SUGCT: variants seen among roughly 807,000 people sequenced by gnomAD.
SUGCT encodes succinyl-CoA:glutarate CoA-transferase.
A neutral mutation model predicts 55.0 loss-of-function variants in SUGCT; 41 were observed. The observed-to-expected ratio is 0.74, with a 90% CI of 0.58 to 0.97. The LOEUF (loss-of-function observed/expected upper bound fraction) is 0.97. Among genes scored for constraint, SUGCT ranks in the 50% least tolerant of loss-of-function variants. The pLI is 0.00. For synonymous variants in SUGCT, 187 were observed against 200.4 expected, an observed-to-expected ratio of 0.93 and a Z score of 0.56; for missense variants, 568 against 547.8, an observed-to-expected ratio of 1.04 and a Z score of -0.37.
the SUGCT span, among the ~76,000 whole-genome samples, chr7:40,903,791 CA>C: frequency 0.015 from 2,215 of 152,170 alleles, 56 homozygotes; most frequent in African/African-American, 0.051. Context: ...ATCCTCCTAC[CA>C]AAAAGAAAGA....
downstream of SUGCT, among the ~76,000 whole-genome samples, chr7:40,863,419 A>G (rs1794528732): frequency 6.6e-6 from 1 of 152,074 alleles, no homozygotes; most frequent in South Asian, 2.1e-4. Context: ...GTCATGTTGT[A>G]TTTTAAAGGC....
At chr7:40,350,465 C>A (rs865921005) in intron 9 of SUGCT, among the ~76,000 whole-genome samples, 7 of 151,264 alleles carry the variant, frequency 4.6e-5, no homozygotes, top group African/African-American at 7.3e-5. Context: ...AGGTGACCAC[C>A]GCCACACCTG....
At chr7:40,238,173 A>G (rs73314857) in intron 7 of SUGCT, among the ~76,000 whole-genome samples, 3,435 of 152,208 alleles carry the variant, frequency 0.023, 117 homozygotes, top group African/African-American at 0.079. Flanking sequence ...CAGAGGGTCT[A>G]TTTTTCCTTT....
the SUGCT span, among the ~76,000 whole-genome samples, chr7:41,017,066 C>T: frequency 2.0e-4 from 31 of 152,338 alleles, no homozygotes; most frequent in African/African-American, 6.5e-4. Flanking sequence ...CTCAGCCATG[C>T]GCTTGCTCTG....
intron 11 of SUGCT, among the ~76,000 whole-genome samples, chr7:40,466,801 A>C (rs1034580785): frequency 6.6e-6 from 1 of 152,210 alleles, no homozygotes; most frequent in African/African-American, 2.4e-5. Flanking sequence ...GTCATACAAT[A>C]TAAGAAGATC....
At chr7:41,037,523 G>A in the SUGCT span, among the ~76,000 whole-genome samples, 9 of 146,730 alleles carry the variant, frequency 6.1e-5, no homozygotes, top group Non-Finnish European at 4.5e-5. Context: ...TTTTATTTCA[G>A]AACACTGAGT....
the SUGCT span, among the ~76,000 whole-genome samples, chr7:40,942,307 G>T: frequency 6.6e-6 from 1 of 152,016 alleles, no homozygotes; most frequent in Non-Finnish European, 1.5e-5. Flanking sequence ...CTTTACTTTT[G>T]CATAATTTAT....
intron 13 of SUGCT, among the ~76,000 whole-genome samples, chr7:40,768,088 A>C (rs1788895987): frequency 6.6e-6 from 1 of 152,158 alleles, no homozygotes; most frequent in Non-Finnish European, 1.5e-5. Context: ...TCAGGGTCCC[A>C]GGCTCTGTAG....
Position 40,386,092 on chromosome 7 carries a change from C to T in SUGCT, c.817-63195C>T, listed in dbSNP as rs145462335. ...TGGGGACAGAAGGATGGCCTGGTTTCGTCTTCACTGTACTAGGACACAGAT... is the reference window on the plus strand; with the variant it reads ...TGGGGACAGAAGGATGGCCTGGTTTTGTCTTCACTGTACTAGGACACAGAT... On this transcript the variant is annotated intron_variant, in intron 9 of 13. Transcript: ENST00000335693. Among the ~76,000 whole-genome samples the T allele has an allele frequency of 6.9e-4, 105 of 152,240 alleles. 1 individual carries two copies. Among genetic ancestry groups the T allele is most frequent in the East Asian group, 5.6e-3 (29 of 5,186 alleles).
At chr7:40,670,112 T>C (rs1412452124) in intron 12 of SUGCT, among the ~76,000 whole-genome samples, 2 of 132,382 alleles carry the variant, frequency 1.5e-5, no homozygotes, top group African/African-American at 5.9e-5. Flanking sequence ...TCATCAGACA[T>C]CATGGAAGCT....
At chr7:40,243,745 G>A (rs552999774) in intron 7 of SUGCT, among the ~76,000 whole-genome samples, 2 of 152,296 alleles carry the variant, frequency 1.3e-5, no homozygotes, top group African/African-American at 4.8e-5. Context: ...GGTAGGGATA[G>A]CCAAGAATTC....
rs368831341 is a variant in SUGCT, at chr7:40,152,867, A to G, written c.100+17747A>G. Among the ~76,000 whole-genome samples, 258 of 152,076 alleles carry G rather than the reference A, an allele frequency of 1.7e-3. 1 individual carries two copies. The Middle Eastern group carries it at 0.024, about 14-fold the overall frequency. On this transcript the variant is annotated intron_variant, in intron 1 of 13. Coordinates refer to ENST00000335693, the MANE Select transcript of SUGCT (RefSeq NM_001193313.2). ...AAGCGCCCACCACCGTGCCCGGCTA[A>G]TTTTTGTATTTGTGTTTTTAGTAGA...
chr7:40,248,280 G>A (rs1255645635), intron 7 of SUGCT, among the ~76,000 whole-genome samples: 3 of 152,050 alleles, frequency 2.0e-5, no homozygotes, highest in Non-Finnish European at 4.4e-5. Flanking sequence ...CAAAGTGCCG[G>A]AATTACAGGC....
At chr7:40,927,741 A>G in the SUGCT span, among the ~76,000 whole-genome samples, 1 of 152,216 alleles carries the variant, frequency 6.6e-6, no homozygotes, top group East Asian at 1.9e-4. Context: ...TGGAGCCTCC[A>G]TGTAACACCA....
chr7:41,035,324 C>T, the SUGCT span, among the ~76,000 whole-genome samples: 1 of 152,174 alleles, frequency 6.6e-6, no homozygotes, highest in South Asian at 2.1e-4. Context: ...TACAATAGGG[C>T]CCTCTTACTC....
At chr7:40,890,894 A>C in the SUGCT span, among the ~76,000 whole-genome samples, 1 of 152,240 alleles carries the variant, frequency 6.6e-6, no homozygotes, top group Non-Finnish European at 1.5e-5. Context: ...GATACAAATG[A>C]ATACTGATGG....
intron 13 of SUGCT, among the ~76,000 whole-genome samples, chr7:40,812,371 G>A (rs960295832): frequency 4.6e-5 from 7 of 152,004 alleles, no homozygotes; most frequent in Non-Finnish European, 8.8e-5. Context: ...CTGATTGGTA[G>A]TTTTTAAAAT....
chr7:41,033,853 A>G, the SUGCT span, among the ~76,000 whole-genome samples: 1 of 152,074 alleles, frequency 6.6e-6, no homozygotes, highest in African/African-American at 2.4e-5. Flanking sequence ...GCTGGTCCCC[A>G]TCTGACAGCA....
intron 12 of SUGCT, among the ~76,000 whole-genome samples, chr7:40,609,631 T>C (rs1363953393): frequency 6.6e-6 from 1 of 152,034 alleles, no homozygotes; most frequent in East Asian, 1.9e-4. Flanking sequence ...GTTTACATAT[T>C]GGTACTTCAA....
Sources: gnomAD v4.1 joint callset for allele counts (sites outside exome capture counted in the v4.1 genomes callset) on GRCh38, gnomAD v4.1.1 for gene constraint, MANE v1.5 for transcripts, NCBI Gene and HGNC (gene_info 2026-07-23, HGNC 2026-07-21) for gene names.